The following B4GALT6 variants were observed in gnomAD, a reference collection of about 807,000 sequenced individuals.
B4GALT6 encodes the protein UDP-Gal:beta-GlcNAc beta-1,4-galactosyltransferase 6.
In B4GALT6, 14 loss-of-function variants were observed where a neutral mutation model predicts 46.3. The ratio of observed to expected loss-of-function variants is 0.30; its 90% confidence interval spans 0.20 to 0.47. B4GALT6 has a LOEUF of 0.47. Among genes scored for constraint, B4GALT6 ranks in the 20% least tolerant of loss-of-function variants. The probability of loss-of-function intolerance (pLI) is 0.99; values close to 1 mark genes in which losing one functional copy is unlikely to be tolerated. For missense variants in B4GALT6, 386 were observed against 480.1 expected, an observed-to-expected ratio of 0.80 and a Z score of 1.83; for synonymous variants, 168 against 162.0, an observed-to-expected ratio of 1.04 and a Z score of -0.28.
chr18:31,717,493 T>C, the B4GALT6 span, among the ~76,000 whole-genome samples: 1 of 151,830 alleles, frequency 6.6e-6, no homozygotes, highest in Non-Finnish European at 1.5e-5. Context: ...AACATATACC[T>C]CAATAAAGGA....
At position 31,631,108 on chromosome 18, in the gene B4GALT6, A is replaced by C; in HGVS notation, c.627T>G (p.Asn209Lys). ...CTTTCATGGCCTCTTTGAAGCCCAC[A>C]TTGAAAAGCATCGCACGGTTAAAAG... is the stretch of plus-strand genomic sequence containing the variant. The part of the protein sequence containing the change: ...TQPFNRAMLF[N>K]VGFKEAMKDS... The change falls in exon 6 of 9, where the codon AAT (asparagine) becomes AAG (lysine). Residue 209 changes from asparagine (N) to lysine (K), a missense_variant. Physicochemically the swap from Asn to Lys is moderately conservative, Grantham distance 94 (BLOSUM62 0). Coordinates refer to ENST00000306851, the MANE Select transcript of B4GALT6 (RefSeq NM_004775.5). The C allele has an allele frequency of 6.2e-7, 1 of 1,613,998 alleles. No homozygotes were observed. Among genetic ancestry groups the C allele is most frequent in the Non-Finnish European group, 8.5e-7 (1 of 1,180,006 alleles).
the B4GALT6 span, among the ~76,000 whole-genome samples, chr18:31,714,902 T>G: frequency 6.6e-6 from 1 of 152,200 alleles, no homozygotes; most frequent in African/African-American, 2.4e-5. Context: ...AAAAGCAGGT[T>G]GCTCATGAGG....
At chr18:31,716,763 T>C in the B4GALT6 span, among the ~76,000 whole-genome samples, 1 of 152,252 alleles carries the variant, frequency 6.6e-6, no homozygotes, top group South Asian at 2.1e-4. Context: ...CACAATTACA[T>C]GGGGCATTAA....
Position 31,631,051 on chromosome 18 carries a change from A to G in B4GALT6, c.684T>C (p.Asp228=), listed in dbSNP as rs2144507064. ...GGTCATTTTCAGGTAGATGATCCACATCGTGGAAGATTACACAGTCCCAGA... is the reference window on the plus strand; with the variant it reads ...GGTCATTTTCAGGTAGATGATCCACGTCGTGGAAGATTACACAGTCCCAGA... ...DSVWDCVIFH[D]VDHLPENDRN... is the part of the protein sequence containing the mutation. The change falls in exon 6 of 9, where the codon GAT becomes GAC. Residue 228 remains aspartate, a synonymous_variant. Transcript: ENST00000306851. The G allele has an allele frequency of 2.5e-6, 4 of 1,614,176 alleles. No homozygotes were observed. Among genetic ancestry groups the G allele is most frequent in the Middle Eastern group, 3.3e-4 (2 of 6,062 alleles).
At chr18:31,702,377 C>T in the B4GALT6 span, among the ~76,000 whole-genome samples, 1 of 152,152 alleles carries the variant, frequency 6.6e-6, no homozygotes, top group East Asian at 1.9e-4. Flanking sequence ...TGGAAACAAC[C>T]TAATTGCCAC....
At chr18:31,628,309 T>C (rs960633699) in intron 6 of B4GALT6, among the ~76,000 whole-genome samples, 3 of 152,194 alleles carry the variant, frequency 2.0e-5, no homozygotes, top group Non-Finnish European at 4.4e-5. Flanking sequence ...CAATAAGCAT[T>C]CTTGGCACCG....
At chr18:31,667,914 G>A (rs1355473306) in intron 1 of B4GALT6, among the ~76,000 whole-genome samples, 9 of 152,022 alleles carry the variant, frequency 5.9e-5, no homozygotes, top group Admixed American at 5.9e-4. Flanking sequence ...GGCCAACATG[G>A]TGAAACCCCA....
At chr18:31,686,869 C>G (rs2029940366), upstream of B4GALT6, 1 of 152,204 alleles carries the variant, frequency 6.6e-6, no homozygotes, top group African/African-American at 2.4e-5. Context: ...CACCATACCA[C>G]TAGTCAAAAG....
intron 1 of B4GALT6, among the ~76,000 whole-genome samples, chr18:31,671,884 A>G (rs1441615228): frequency 6.6e-6 from 1 of 152,232 alleles, no homozygotes; most frequent in Non-Finnish European, 1.5e-5. Flanking sequence ...TCTGCTTCCC[A>G]GAGGGTAACA....
At chr18:31,708,438 G>A in the B4GALT6 span, among the ~76,000 whole-genome samples, 1 of 152,030 alleles carries the variant, frequency 6.6e-6, no homozygotes, top group African/African-American at 2.4e-5. Context: ...GGTGGCGGAC[G>A]CCTCTAGTCC....
At chr18:31,682,722 G>T (rs907779603) in intron 1 of B4GALT6, among the ~76,000 whole-genome samples, 1 of 152,082 alleles carries the variant, frequency 6.6e-6, no homozygotes, top group African/African-American at 2.4e-5. Flanking sequence ...TTATGTAAGT[G>T]TGAAAAAAAC....
chr18:31,653,435 C>CTTTTTTTT (rs5823819), intron 3 of B4GALT6, among the ~76,000 whole-genome samples: 482 of 74,142 alleles, frequency 6.5e-3, no homozygotes, highest in African/African-American at 7.1e-3. Flanking sequence ...AACCTTTTTT[C>CTTTTTTTT]TTTTTTTTTT....
rs561085752 is a variant in B4GALT6 at position 31,630,847 on chromosome 18, T to C, written c.776+112A>G. On this transcript the variant is annotated intron_variant, in intron 6 of 8. Transcript: ENST00000306851. ...GGACACGATGGAGTTAAAGATGATA[T>C]TCTTGGGGTTCTTGAGTTCTCTCAG... The C allele has an allele frequency of 1.7e-4, 199 of 1,149,792 alleles. 2 individuals carry two copies. The South Asian group carries it at 2.5e-3, about 15-fold the overall frequency. 71.2% of individuals were successfully genotyped at this position (1,149,792 alleles called of 1,614,324 possible).
At chr18:31,706,737 C>T in the B4GALT6 span, among the ~76,000 whole-genome samples, 3 of 152,226 alleles carry the variant, frequency 2.0e-5, no homozygotes, top group East Asian at 1.9e-4. Flanking sequence ...CATTAATAAC[C>T]AGTAACAATG....
intron 3 of B4GALT6, among the ~76,000 whole-genome samples, chr18:31,651,876 T>C (rs950524528): frequency 1.3e-5 from 2 of 152,156 alleles, no homozygotes; most frequent in Non-Finnish European, 2.9e-5. Context: ...GTTCACGCCA[T>C]TCTCCTGCCT....
the B4GALT6 span, among the ~76,000 whole-genome samples, chr18:31,710,617 C>T: frequency 6.6e-6 from 1 of 152,024 alleles, no homozygotes; most frequent in African/African-American, 2.4e-5. Context: ...TCCCTCGTAG[C>T]CACCAGAGGA....
At chr18:31,676,404 T>C (rs2074415724) in intron 1 of B4GALT6, among the ~76,000 whole-genome samples, 1 of 152,220 alleles carries the variant, frequency 6.6e-6, no homozygotes. Flanking sequence ...GAGTAACCTA[T>C]AATGCTATCC....
At chr18:31,722,591 C>T in the B4GALT6 span, among the ~76,000 whole-genome samples, 2 of 152,132 alleles carry the variant, frequency 1.3e-5, no homozygotes, top group African/African-American at 4.8e-5. Flanking sequence ...TTGAGATGAA[C>T]GTCTCTGTGA....
the B4GALT6 span, among the ~76,000 whole-genome samples, chr18:31,709,791 C>A: frequency 6.6e-6 from 1 of 151,914 alleles, no homozygotes; most frequent in Non-Finnish European, 1.5e-5. Flanking sequence ...GACTTCTCAA[C>A]TTTCAGAAAT....
Sources: allele counts gnomAD v4.1 joint callset (sites outside exome capture counted in the v4.1 genomes callset), GRCh38; gene constraint gnomAD v4.1.1; transcripts MANE v1.5; gene names NCBI Gene and HGNC (gene_info 2026-07-23, HGNC 2026-07-21).